FARP1: variants seen among roughly 807,000 people sequenced by gnomAD.
The protein encoded by FARP1 is FERM, ARHGEF and pleckstrin domain-containing protein 1.
Under a neutral mutation model 128.8 loss-of-function variants are expected in FARP1, and 52 were observed. The ratio of observed to expected loss-of-function variants is 0.40; its 90% CI spans 0.32 to 0.51. FARP1 has a LOEUF of 0.51. Among genes scored for constraint, FARP1 ranks in the 20% least tolerant of loss-of-function variants. The probability of loss-of-function intolerance (pLI) is 0.45; values close to 1 mark genes in which losing one functional copy is unlikely to be tolerated. For missense variants in FARP1, 1,333 were observed against 1,367.9 expected (o/e 0.97, Z 0.40); for synonymous variants, 580 against 551.8 (o/e 1.05, Z -0.72).
At chr13:98,278,194 T>TG (rs1309433958) in intron 2 of FARP1, among the ~76,000 whole-genome samples, 9 of 150,352 alleles carry the variant, frequency 6.0e-5, no homozygotes, top group African/African-American at 2.2e-4. Context: ...TGTGTGTATG[T>TG]TCTGTGTGTC....
intron 2 of FARP1, among the ~76,000 whole-genome samples, chr13:98,301,910 C>T (rs984567540): frequency 4.6e-5 from 7 of 152,038 alleles, no homozygotes; most frequent in African/African-American, 1.5e-4. Flanking sequence ...TTCGGGTGAC[C>T]GGATTTCTCA....
chr13:98,368,517 T>C (rs1485079691), intron 5 of FARP1, among the ~76,000 whole-genome samples: 1 of 152,224 alleles, frequency 6.6e-6, no homozygotes, highest in Non-Finnish European at 1.5e-5. Context: ...GAAACCAACA[T>C]GTCAACTCAG....
In FARP1 at chr13:98,409,392, G is replaced by A. The variant is rs200968276; in HGVS notation, c.1469G>A (p.Gly490Glu). 2 of 1,613,888 alleles carry A rather than the reference G, an allele frequency of 1.2e-6. No individual in the cohort carries two copies. Among genetic ancestry groups the A allele is most frequent in the South Asian group, 1.1e-5 (1 of 91,052 alleles). Residue 490 changes from glycine to glutamate, a missense_variant, in exon 14 of 27, where the codon GGA becomes GAA. This residue lies in a region of FARP1 where 1,009 missense variants were observed against 969.8 expected (regional missense o/e 1.04). Coordinates refer to ENST00000319562, the MANE Select transcript of FARP1 (RefSeq NM_005766.4). ...LSELSVNSQG[G>E]VAPANVTLSP... The stretch of plus-strand genomic sequence containing the variant: ...GAGCTGTCTGTGAACTCGCAGGGGG[G>A]AGTGGCCCCTGCCAACGTGACCTTG...
intron 5 of FARP1, among the ~76,000 whole-genome samples, chr13:98,373,784 ACTG>A (rs1405616599): frequency 6.6e-6 from 1 of 152,178 alleles, no homozygotes; most frequent in Non-Finnish European, 1.5e-5. Flanking sequence ...ATTTTTAAAA[ACTG>A]CCAACTTTTA....
chr13:98,415,507 G>C (rs1184914113), intron 16 of FARP1, among the ~76,000 whole-genome samples: 1 of 152,214 alleles, frequency 6.6e-6, no homozygotes, highest in Non-Finnish European at 1.5e-5. Context: ...GCCCATGGGG[G>C]ACTTGCACTC....
At chr13:98,244,892 T>C (rs1643529550) in intron 2 of FARP1, 1 of 1,421,132 alleles carries the variant, frequency 7.0e-7, no homozygotes, top group Admixed American at 2.9e-5. Context: ...GCCCATCCAC[T>C]CCTAAACGGG....
rs1246057124 is a variant in FARP1, at chr13:98,444,603, G to A, written c.2797-1495G>A. Among the ~76,000 whole-genome samples the A allele has an allele frequency of 2.6e-5, 4 of 152,308 alleles. No homozygotes were observed. In the South Asian group the frequency reaches 6.2e-4, roughly 24 times the overall value. ...CCCGACACAGGGGAGCGGGAGGCTC[G>A]GCCCGGCCGTGGGGAGCGAGGAAGG... On this transcript the variant is annotated intron_variant, in intron 24 of 26. Coordinates refer to ENST00000319562, the MANE Select transcript of FARP1 (RefSeq NM_005766.4).
At position 98,176,310 on chromosome 13, in the gene FARP1, C is replaced by T. The variant is rs749845859; in HGVS notation, c.-24+32818C>T. 5.0e-6 allele frequency: 8 copies of T among 1,612,842 alleles called. No homozygotes were observed. Among genetic ancestry groups the T allele is most frequent in the South Asian group, 1.1e-5 (1 of 91,010 alleles). On this transcript the variant is annotated intron_variant, in intron 1 of 26. Coordinates refer to ENST00000319562, the MANE Select transcript of FARP1 (RefSeq NM_005766.4). This position sits in a 1 kb window ranked among gnomAD's most constrained non-coding sequence, Gnocchi z 6.2. ...CTGCAGCCTGAAGCTTTTGCAGTTT[C>T]GCCATCAGTTCTTTGGCGGGGTTAA... is the stretch of plus-strand genomic sequence containing the variant.
chr13:98,266,527 C>A (rs1884123375), intron 2 of FARP1, among the ~76,000 whole-genome samples: 1 of 152,210 alleles, frequency 6.6e-6, no homozygotes, highest in South Asian at 2.1e-4. Flanking sequence ...TAACCCAGAA[C>A]TAGCTTACTT....
intron 2 of FARP1, among the ~76,000 whole-genome samples, chr13:98,214,880 G>A (rs1441513562): frequency 1.3e-5 from 2 of 152,146 alleles, no homozygotes; most frequent in African/African-American, 4.8e-5. Context: ...CCGTATGTGC[G>A]CCACCTCACC....
intron 2 of FARP1, among the ~76,000 whole-genome samples, chr13:98,265,230 C>G (rs1480012788): frequency 6.6e-6 from 1 of 151,164 alleles, no homozygotes; most frequent in Non-Finnish European, 1.5e-5. Flanking sequence ...TATTGTTGGA[C>G]AACAGATTGT....
rs1320848993 is a variant in FARP1, at chr13:98,454,193, G to A, written c.*5876G>A. The A allele has an allele frequency of 6.6e-6, 1 of 152,222 alleles. No individual in the cohort carries two copies. The highest frequency in any genetic ancestry group is 1.5e-5 in the Non-Finnish European group (1 of 68,038). The allele number at this position is 152,222 out of a possible 1,614,324, so 9.4% of individuals were successfully genotyped here. A position where few individuals can be genotyped will look rare whatever the true frequency, so the allele number is the denominator to read the frequency against. On this transcript the variant is annotated 3_prime_UTR_variant, in exon 27 of 27. Transcript: ENST00000319562. ...TTTATGACCTGGTATGACAACAGAAGGCAATGCACCCAAAGATGCTGATGA... is the reference window on the plus strand; with the variant it reads ...TTTATGACCTGGTATGACAACAGAAAGCAATGCACCCAAAGATGCTGATGA...
chr13:98,305,581 A>G (rs889545070), intron 2 of FARP1, among the ~76,000 whole-genome samples: 1 of 152,162 alleles, frequency 6.6e-6, no homozygotes, highest in East Asian at 1.9e-4. Flanking sequence ...TAATCCGCCC[A>G]TCTCGGCCTC....
intron 8 of FARP1, among the ~76,000 whole-genome samples, chr13:98,386,788 T>C (rs1890114995): frequency 6.6e-6 from 1 of 152,222 alleles, no homozygotes; most frequent in Non-Finnish European, 1.5e-5. Context: ...GGTTTGCTTA[T>C]ATTTCCCCCT....
intron 13 of FARP1, among the ~76,000 whole-genome samples, chr13:98,408,753 G>A (rs1007229091): frequency 3.3e-5 from 5 of 152,226 alleles, no homozygotes; most frequent in Non-Finnish European, 7.3e-5. Context: ...GATCACATAT[G>A]CCTGTAATGT....
chr13:98,389,187 A>G (rs1289536362), intron 9 of FARP1, among the ~76,000 whole-genome samples: 1 of 152,224 alleles, frequency 6.6e-6, no homozygotes, highest in Non-Finnish European at 1.5e-5. Flanking sequence ...GCATATACCC[A>G]TTTTAAATGG....
At chr13:98,179,842 G>T (rs1266921157) in intron 1 of FARP1, among the ~76,000 whole-genome samples, 1 of 151,802 alleles carries the variant, frequency 6.6e-6, no homozygotes, top group Non-Finnish European at 1.5e-5. Flanking sequence ...GGGTGACTGA[G>T]CAAGACTCCA....
At chr13:98,401,439 A>G (rs1279275901) in intron 13 of FARP1, 3 of 7,542 alleles carry the variant, frequency 4.0e-4, no homozygotes, top group Non-Finnish European at 7.7e-4. Flanking sequence ...CACACACACA[A>G]TCTGTATGAT....
chr13:98,158,137 T>G (rs1876622954), intron 1 of FARP1, among the ~76,000 whole-genome samples: 1 of 152,268 alleles, frequency 6.6e-6, no homozygotes, highest in African/African-American at 2.4e-5. Context: ...TTTTCTGCTT[T>G]GAACTTCTCT....
Sources: allele counts gnomAD v4.1 joint callset (sites outside exome capture counted in the v4.1 genomes callset), GRCh38; gene constraint gnomAD v4.1.1; regional missense constraint gnomAD v4.1.1; non-coding constraint Gnocchi (gnomAD v3.1); transcripts MANE v1.5; gene names NCBI Gene and HGNC (gene_info 2026-07-23, HGNC 2026-07-21).